The following SPAM1 variants were observed in gnomAD, a reference collection of about 807,000 sequenced individuals.
SPAM1 encodes the protein hyaluronidase PH-20.
A neutral mutation model predicts 29.6 loss-of-function variants in SPAM1; 22 were observed. That is an observed-to-expected ratio of 0.74 (90% confidence interval 0.53 to 1.06). The LOEUF (loss-of-function observed/expected upper bound fraction) is 1.06. SPAM1 is among the 50% of genes least tolerant of loss of function. The pLI is 0.00. For synonymous variants in SPAM1, 194 were observed against 204.6 expected (o/e 0.95, Z 0.44); for missense variants, 534 against 604.0 (o/e 0.88, Z 1.21).
chr7:123,969,293 G>A lies in SPAM1; in HGVS notation c.1486-905G>A, dbSNP rs149306125. On this transcript the variant is annotated intron_variant, in intron 5 of 6. Transcript: ENST00000340011. Reference sequence around the variant, plus strand: ...GCTGTACAGAAGACTTTCATTTAACGTAGTCCCATTTGTCTATTTTTGGTT... The same window carrying A: ...GCTGTACAGAAGACTTTCATTTAACATAGTCCCATTTGTCTATTTTTGGTT... 3.0e-3 allele frequency among the ~76,000 whole-genome samples: 460 copies of A among 152,004 alleles called. 2 individuals are homozygous for A. The highest frequency in any genetic ancestry group is 0.01 in the African/African-American group (427 of 41,522).
At chr7:123,939,783 C>A (rs1808370728) in intron 1 of SPAM1, among the ~76,000 whole-genome samples, 1 of 152,062 alleles carries the variant, frequency 6.6e-6, no homozygotes, top group South Asian at 2.1e-4. Flanking sequence ...GCAAGAATTC[C>A]CCATCTTCTA....
intron 5 of SPAM1, among the ~76,000 whole-genome samples, chr7:123,968,052 C>T (rs908056982): frequency 6.6e-5 from 10 of 151,792 alleles, no homozygotes; most frequent in African/African-American, 2.4e-4. Context: ...GAAGATAAGC[C>T]CCAAAATTGG....
chr7:123,942,030 A>C (rs1808444988), intron 1 of SPAM1, among the ~76,000 whole-genome samples: 1 of 152,190 alleles, frequency 6.6e-6, no homozygotes, highest in South Asian at 2.1e-4. Context: ...AGGCACTATT[A>C]CTCTGAAGTC....
At chr7:123,971,268 A>T (rs1792495685) in exon 7 of SPAM1, 1 of 152,158 alleles carries the variant, frequency 6.6e-6, no homozygotes, top group Admixed American at 6.6e-5. Context: ...GCATTGGATC[A>T]AAATGCCATT....
Position 123,927,677 on chromosome 7 carries a change from G to A in SPAM1, c.-319+2325G>A, listed in dbSNP as rs542395209. Among the ~76,000 whole-genome samples, 4 of 152,256 alleles carry A rather than the reference G, an allele frequency of 2.6e-5. No individual in the cohort carries two copies. The South Asian group carries it at 6.2e-4, about 24-fold the overall frequency. On this transcript the variant is annotated intron_variant, in intron 1 of 4. Transcript: ENST00000682466. ...TCAGCTAGTTCTTTTAGGAGAACGAGGGAGTCTATAAGAGCACCCTGTTTA... is the reference window on the plus strand; with the variant it reads ...TCAGCTAGTTCTTTTAGGAGAACGAAGGAGTCTATAAGAGCACCCTGTTTA...
intron 1 of SPAM1, among the ~76,000 whole-genome samples, chr7:123,928,728 T>C (rs1807973195): frequency 1.3e-5 from 2 of 152,150 alleles, no homozygotes. Context: ...AAATGGGTCC[T>C]CTGAGGAAGT....
At chr7:123,934,947 T>C in intron 1 of SPAM1, among the ~76,000 whole-genome samples, 1 of 152,142 alleles carries the variant, frequency 6.6e-6, no homozygotes, top group East Asian at 1.9e-4. Context: ...ATTGTGACTA[T>C]AGTTAACAAT....
chr7:123,945,437 T>G (rs1296836314), intron 1 of SPAM1, among the ~76,000 whole-genome samples: 1 of 152,080 alleles, frequency 6.6e-6, no homozygotes, highest in African/African-American at 2.4e-5. Flanking sequence ...CAGCTTTAAC[T>G]TTGTTAGTTT....
At chr7:123,926,479 T>C (rs1477259143) in intron 1 of SPAM1, among the ~76,000 whole-genome samples, 1 of 152,214 alleles carries the variant, frequency 6.6e-6, no homozygotes, top group Non-Finnish European at 1.5e-5. Flanking sequence ...TACCTGTTGA[T>C]GAAAAGAGTC....
exon 7 of SPAM1, chr7:123,971,062 A>G (rs1792492897): frequency 1.3e-5 from 2 of 152,022 alleles, no homozygotes; most frequent in African/African-American, 2.4e-5. Flanking sequence ...AAGTGCAGTC[A>G]CTCTCCTAGA....
intron 1 of SPAM1, among the ~76,000 whole-genome samples, chr7:123,947,219 A>G (rs1808604175): frequency 6.6e-6 from 1 of 152,062 alleles, no homozygotes; most frequent in South Asian, 2.1e-4. Flanking sequence ...CTTCATTTGT[A>G]TTACACTAGA....
chr7:123,955,136 T>A, intron 4 of SPAM1, 50 bp downstream of exon 4: 1 of 1,299,198 alleles, frequency 7.7e-7, no homozygotes, highest in Non-Finnish European at 1.1e-6. Context: ...TGTTTAATGT[T>A]TTTGGGGATT....
At chr7:123,970,670 A>G (rs1325601693) in intron 6 of SPAM1, among the ~76,000 whole-genome samples, 1 of 151,166 alleles carries the variant, frequency 6.6e-6, no homozygotes, top group Non-Finnish European at 1.5e-5. Flanking sequence ...GAATTTTGAA[A>G]GAACACAGTT....
chr7:123,955,063 A>C lies in SPAM1; in HGVS notation c.1021A>C (p.Thr341Pro), dbSNP rs1792219914. Residue 341 changes from threonine to proline, a missense_variant, in exon 4 of 5, where the codon ACC (threonine) becomes CCC (proline). Thr to Pro is a conservative substitution (Grantham distance 38). Transcript: ENST00000682466. ...LGASGIVIWG[T>P]LSIMRSMKSC... ...TGCTTCTGGAATTGTAATATGGGGA[A>C]CCCTCAGTATAATGCGAAGTATGGT... 6.2e-7 allele frequency: 1 copy of C among 1,610,180 alleles called. No individual in the cohort carries two copies. Among genetic ancestry groups the C allele is most frequent in the East Asian group, 2.2e-5 (1 of 44,774 alleles).
intron 5 of SPAM1, among the ~76,000 whole-genome samples, chr7:123,966,932 T>A (rs1281805020): frequency 6.6e-6 from 1 of 151,902 alleles, no homozygotes; most frequent in African/African-American, 2.4e-5. Flanking sequence ...AAAAATACAA[T>A]TTTTTTCTGA....
chr7:123,931,346 A>G (rs1240457242), intron 1 of SPAM1, among the ~76,000 whole-genome samples: 1 of 152,156 alleles, frequency 6.6e-6, no homozygotes, highest in Non-Finnish European at 1.5e-5. Flanking sequence ...GCCTTTCTAT[A>G]TAAAAACAGG....
In SPAM1 at chr7:123,954,268, G is replaced by A. The variant is rs2117061061; in HGVS notation, c.698G>A (p.Gly233Asp). 1 of 1,612,506 alleles carries A rather than the reference G, an allele frequency of 6.2e-7. No individual in the cohort carries two copies. Among genetic ancestry groups the A allele is most frequent in the Admixed American group, 1.7e-5 (1 of 59,694 alleles). The change falls in exon 3 of 5, where the codon GGT becomes GAT. Residue 233 changes from glycine to aspartate, a missense_variant. Transcript: ENST00000682466. ...TACAACCATCACTATAAGAAACCCG[G>A]TTACAATGGAAGTTGCTTCAATGTA... Reference protein sequence around the residue: ...DCYNHHYKKPGYNGSCFNVEI... With the variant: ...DCYNHHYKKPDYNGSCFNVEI...
At chr7:123,965,114 G>A (rs189833866) in intron 5 of SPAM1, among the ~76,000 whole-genome samples, 101 of 151,936 alleles carry the variant, frequency 6.6e-4, no homozygotes, top group Admixed American at 1.2e-3. Flanking sequence ...ACTTGCCCTG[G>A]GTCAGACAGC....
downstream of SPAM1, among the ~76,000 whole-genome samples, chr7:123,964,664 G>A (rs935861624): frequency 3.3e-5 from 5 of 151,820 alleles, no homozygotes; most frequent in Non-Finnish European, 5.9e-5. Context: ...AGCTGAAAGT[G>A]CAGGTGTGAC....
Sources: gnomAD v4.1 joint callset for allele counts (sites outside exome capture counted in the v4.1 genomes callset) on GRCh38, gnomAD v4.1.1 for gene constraint, MANE v1.5 for transcripts, NCBI Gene and HGNC (gene_info 2026-07-23, HGNC 2026-07-21) for gene names.